ST6GALNAC5: variants seen among roughly 807,000 people sequenced by gnomAD.
The protein encoded by ST6GALNAC5 is ST6 N-acetylgalactosaminide alpha-2,6-sialyltransferase 5, also known as alpha-N-acetylgalactosaminide alpha-2,6-sialyltransferase 5.
Under a neutral mutation model 33.6 loss-of-function variants are expected in ST6GALNAC5, and 27 were observed. That is an observed-to-expected ratio of 0.80 (90% confidence interval 0.59 to 1.11). The LOEUF (loss-of-function observed/expected upper bound fraction) is 1.11, where lower values mean the gene tolerates loss of function less well. ST6GALNAC5 is among the 50% of genes least tolerant of loss of function. The probability of loss-of-function intolerance (pLI) is 0.00; values close to 1 mark genes in which losing one functional copy is unlikely to be tolerated. For synonymous variants in ST6GALNAC5, 194 were observed against 171.2 expected, an observed-to-expected ratio of 1.13 and a Z score of -1.04; for missense variants, 428 against 454.0, an observed-to-expected ratio of 0.94 and a Z score of 0.52.
At chr1:77,030,412 G>A (rs936821153) in intron 2 of ST6GALNAC5, among the ~76,000 whole-genome samples, 2 of 152,136 alleles carry the variant, frequency 1.3e-5, no homozygotes, top group Non-Finnish European at 2.9e-5. Flanking sequence ...CTTACATTGG[G>A]GTTAACTGAG....
Position 76,954,899 on chromosome 1 carries a change from G to T in ST6GALNAC5, c.261+86157G>T, listed in dbSNP as rs1052115237. 2.6e-5 allele frequency among the ~76,000 whole-genome samples: 4 copies of T among 152,032 alleles called. No individual in the cohort carries two copies. In the East Asian group the frequency reaches 7.7e-4, roughly 29 times the overall value. On this transcript the variant is annotated intron_variant, in intron 2 of 4. Transcript: ENST00000477717. ...ATCAGTTTCCCTTAGTGTTAAAATG[G>T]AGAGAACTCCAAGAATCAAAAGCTA...
intron 2 of ST6GALNAC5, among the ~76,000 whole-genome samples, chr1:76,924,025 G>A (rs1234909869): frequency 6.6e-6 from 1 of 152,136 alleles, no homozygotes; most frequent in Non-Finnish European, 1.5e-5. Flanking sequence ...ACAAAAATGT[G>A]ATGCCAAGGA....
intron 2 of ST6GALNAC5, among the ~76,000 whole-genome samples, chr1:77,039,889 C>G (rs576032602): frequency 1.3e-5 from 2 of 152,202 alleles, no homozygotes; most frequent in African/African-American, 4.8e-5. Context: ...CCCAGGCCGA[C>G]GGGCAGAGAT....
At chr1:76,989,463 G>T (rs908742924) in intron 2 of ST6GALNAC5, among the ~76,000 whole-genome samples, 6 of 151,654 alleles carry the variant, frequency 4.0e-5, no homozygotes, top group Admixed American at 6.6e-5. Context: ...CAAGACATTT[G>T]TTCATAACTT....
intron 2 of ST6GALNAC5, among the ~76,000 whole-genome samples, chr1:77,030,043 A>C (rs1445041688): frequency 6.6e-6 from 1 of 152,194 alleles, no homozygotes; most frequent in Admixed American, 6.5e-5. Flanking sequence ...TGTTCCATTA[A>C]GTCTCTTCAT....
chr1:76,909,789 G>T (rs563251996), intron 2 of ST6GALNAC5, among the ~76,000 whole-genome samples: 2 of 151,996 alleles, frequency 1.3e-5, no homozygotes, highest in Non-Finnish European at 2.9e-5. Flanking sequence ...AATATTCTTG[G>T]ACTGTAAATC....
At position 76,901,423 on chromosome 1, in the gene ST6GALNAC5, G is replaced by T. The variant is rs191563960; in HGVS notation, c.261+32681G>T. ...CTGTTTAGTATGGGTTAGCACCTAG[G>T]TTTTTATGTGGAAGCATTCAAGTCA... On this transcript the variant is annotated intron_variant, in intron 2 of 4. Transcript: ENST00000477717. Among the ~76,000 whole-genome samples the T allele has an allele frequency of 5.9e-5, 9 of 152,286 alleles. No individual in the cohort carries two copies. The East Asian group carries it at 1.7e-3, about 29-fold the overall frequency.
At chr1:77,053,665 T>C (rs1485797503) in intron 4 of ST6GALNAC5, among the ~76,000 whole-genome samples, 2 of 152,182 alleles carry the variant, frequency 1.3e-5, no homozygotes, top group Non-Finnish European at 2.9e-5. Flanking sequence ...AATTATCATA[T>C]AAACTCTCTT....
chr1:76,887,336 T>G (rs370244116), intron 2 of ST6GALNAC5, among the ~76,000 whole-genome samples: 1 of 152,252 alleles, frequency 6.6e-6, no homozygotes, highest in African/African-American at 2.4e-5. Context: ...TCAGTTTTTT[T>G]GCATTGCATT....
At chr1:76,895,719 G>C (rs1041927296) in intron 2 of ST6GALNAC5, among the ~76,000 whole-genome samples, 2 of 152,218 alleles carry the variant, frequency 1.3e-5, no homozygotes, top group African/African-American at 4.8e-5. Context: ...GTGTAAACAA[G>C]AGCAGGGCAT....
intron 2 of ST6GALNAC5, among the ~76,000 whole-genome samples, chr1:76,927,367 G>A (rs1647096156): frequency 6.6e-6 from 1 of 152,080 alleles, no homozygotes; most frequent in South Asian, 2.1e-4. Flanking sequence ...TTGGAGGATA[G>A]TGAGGCGATG....
chr1:76,959,486 G>T (rs957142912), intron 2 of ST6GALNAC5, among the ~76,000 whole-genome samples: 9 of 152,166 alleles, frequency 5.9e-5, no homozygotes, highest in African/African-American at 2.2e-4. Context: ...AAGGAAACAT[G>T]GCCTAGTTTG....
intron 2 of ST6GALNAC5, among the ~76,000 whole-genome samples, chr1:77,008,110 G>A (rs544447776): frequency 6.6e-6 from 1 of 152,322 alleles, no homozygotes; most frequent in South Asian, 2.1e-4. Context: ...TAAACTGAAA[G>A]TGTATGTCAT....
At chr1:76,895,469 C>T (rs1167405064) in intron 2 of ST6GALNAC5, among the ~76,000 whole-genome samples, 1 of 151,852 alleles carries the variant, frequency 6.6e-6, no homozygotes, top group Non-Finnish European at 1.5e-5. Context: ...TTGGTGATGG[C>T]CTGGATATGG....
At chr1:76,882,903 C>G (rs925090782) in intron 2 of ST6GALNAC5, among the ~76,000 whole-genome samples, 2 of 152,086 alleles carry the variant, frequency 1.3e-5, no homozygotes, top group African/African-American at 4.8e-5. Context: ...TCAGCCTAGG[C>G]ACTACGCACC....
intron 2 of ST6GALNAC5, among the ~76,000 whole-genome samples, chr1:76,953,566 G>A (rs1027720917): frequency 6.6e-6 from 1 of 151,720 alleles, no homozygotes; most frequent in Non-Finnish European, 1.5e-5. Flanking sequence ...TTATATATTC[G>A]AGATGTAAGA....
rs143255337 is a variant in ST6GALNAC5, at chr1:77,052,122, A to G, written c.779+1757A>G. Among the ~76,000 whole-genome samples the G allele has an allele frequency of 5.3e-5, 8 of 152,330 alleles. No individual in the cohort carries two copies. In the East Asian group the frequency reaches 1.5e-3, roughly 29 times the overall value. On this transcript the variant is annotated intron_variant, in intron 4 of 4. Transcript: ENST00000477717. The stretch of plus-strand genomic sequence containing the variant: ...GGCTCTGAGTTTCTCTTCCTAAGCT[A>G]TCATCCCCAAAGCTTTGATAGTTGT...
rs566801402 is a variant in ST6GALNAC5 at position 77,001,429 on chromosome 1, C to T, written c.262-42775C>T. Among the ~76,000 whole-genome samples, 1,181 of 122,456 alleles carry T rather than the reference C, an allele frequency of 9.6e-3. 15 individuals are homozygous for T. The highest frequency in any genetic ancestry group is 0.035 in the African/African-American group (1,128 of 32,522). The allele number at this position is 122,456 out of a possible 152,430, so 80.3% of individuals were successfully genotyped here. A position where few individuals can be genotyped will look rare whatever the true frequency, so the allele number is the denominator to read the frequency against. On this transcript the variant is annotated intron_variant, in intron 2 of 4. Transcript: ENST00000477717. ...GGGTTTTCTAGATATACAATCATGT[C>T]GTCTGCAAACAGGGACAATTTGACT...
At chr1:76,960,142 C>A (rs1648173370) in intron 2 of ST6GALNAC5, among the ~76,000 whole-genome samples, 2 of 152,056 alleles carry the variant, frequency 1.3e-5, no homozygotes, top group Admixed American at 1.3e-4. Flanking sequence ...AAATTCACCC[C>A]CGATATTTCA....
Sources: gnomAD v4.1 joint callset for allele counts (sites outside exome capture counted in the v4.1 genomes callset) on GRCh38, gnomAD v4.1.1 for gene constraint, MANE v1.5 for transcripts, NCBI Gene and HGNC (gene_info 2026-07-23, HGNC 2026-07-21) for gene names.